Variants in PLRG1 observed in about 807,000 individuals in gnomAD.
The protein encoded by PLRG1 is pleiotropic regulator 1 (PRL1 homolog, Arabidopsis).
A neutral mutation model predicts 74.9 loss-of-function variants in PLRG1; 28 were observed. The ratio of observed to expected loss-of-function variants is 0.37; its 90% CI spans 0.28 to 0.51. The LOEUF is 0.51. Ranked by LOEUF, PLRG1 falls within the 20% of genes least tolerant of loss-of-function variation. The pLI is 0.91. For synonymous variants in PLRG1, 197 were observed against 212.4 expected (o/e 0.93, Z 0.63); for missense variants, 445 against 631.9 (o/e 0.70, Z 3.17).
At chr4:154,547,881 G>A (rs376284151) in intron 2 of PLRG1, 28 bp from the exon 3 acceptor site, 33 of 1,542,590 alleles carry the variant, frequency 2.1e-5, no homozygotes, top group East Asian at 4.6e-5. Flanking sequence ...ACATAAGAAC[G>A]TATCCATAAA....
intron 10 of PLRG1, 174 bp from the exon 11 acceptor site, chr4:154,540,227 G>A: frequency 1.7e-6 from 1 of 587,290 alleles, no homozygotes. Flanking sequence ...ATATAAATAG[G>A]AGACAACTTG....
At chr4:154,547,250 A>T (rs1207747627) in intron 3 of PLRG1, among the ~76,000 whole-genome samples, 186 bp from the exon 4 acceptor site, 1 of 152,174 alleles carries the variant, frequency 6.6e-6, no homozygotes, top group Non-Finnish European at 1.5e-5. Flanking sequence ...CATGTCCTTG[A>T]CCATTTGCTA....
chr4:154,546,051 G>T, intron 5 of PLRG1, 72 bp downstream of exon 5: 1 of 1,146,564 alleles, frequency 8.7e-7, no homozygotes, highest in South Asian at 1.4e-5. Flanking sequence ...TAGTTATAAA[G>T]AAATTTTAAA....
Position 154,536,800 on chromosome 4 carries a change from T to C in PLRG1, c.1486-56A>G, listed in dbSNP as rs546441484. 6.8e-6 allele frequency: 6 copies of C among 887,020 alleles called. No individual in the cohort carries two copies. The East Asian group carries it at 9.8e-5, about 14-fold the overall frequency. The allele number at this position is 887,020 out of a possible 1,614,324, so 54.9% of individuals were successfully genotyped here. A position where few individuals can be genotyped will look rare whatever the true frequency, so the allele number is the denominator to read the frequency against. Reference sequence around the variant, plus strand: ...TATTATTAGTTTGCTTCATGTCTAATAGGCTTCCTTTCTAACAAAAATAAG... The same window carrying C: ...TATTATTAGTTTGCTTCATGTCTAACAGGCTTCCTTTCTAACAAAAATAAG... On this transcript the variant is annotated intron_variant, in intron 14 of 14. Transcript: ENST00000499023.
At chr4:154,548,698 A>G (rs201141255) in intron 2 of PLRG1, 131 bp downstream of exon 2, 155 of 592,208 alleles carry the variant, frequency 2.6e-4, no homozygotes, top group East Asian at 1.7e-3. Context: ...AAATTATGCC[A>G]AAACACCACT....
intron 2 of PLRG1, among the ~76,000 whole-genome samples, chr4:154,548,400 C>T (rs945649276): frequency 6.6e-6 from 1 of 152,108 alleles, no homozygotes. Context: ...GAACACTGCA[C>T]ATAATGCATT....
chr4:154,539,057 C>A (rs1199039913), intron 12 of PLRG1, 48 bp downstream of exon 12: 1 of 1,099,018 alleles, frequency 9.1e-7, no homozygotes, highest in Non-Finnish European at 1.4e-6. Flanking sequence ...TCAGCATTAT[C>A]TTAAGAACTG....
chr4:154,537,680 C>T (rs1282791307), intron 13 of PLRG1: 1 of 503,468 alleles, frequency 2.0e-6, no homozygotes, highest in African/African-American at 2.0e-5. Flanking sequence ...TAAAAAGCAC[C>T]TGAAAATCTG....
intron 2 of PLRG1, 112 bp from the exon 3 acceptor site, chr4:154,547,965 AT>A (rs747330476): frequency 3.1e-4 from 228 of 734,406 alleles, no homozygotes; most frequent in Non-Finnish European, 4.3e-4. Context: ...TTTAAGTAGT[AT>A]TTAAAAGAAT....
chr4:154,547,120 C>A, intron 3 of PLRG1, 56 bp from the exon 4 acceptor site: 1 of 1,234,250 alleles, frequency 8.1e-7, no homozygotes, highest in African/African-American at 1.5e-5. Context: ...CAAAAGTTAT[C>A]ATCTCTTTAA....
intron 11 of PLRG1, among the ~76,000 whole-genome samples, chr4:154,539,440 A>G (rs968491338): frequency 3.3e-5 from 5 of 152,132 alleles, no homozygotes; most frequent in Non-Finnish European, 5.9e-5. Context: ...TGAACAGCTA[A>G]AACAAATGCA....
Position 154,542,268 on chromosome 4 carries a change from C to G in PLRG1, c.606G>C (p.Gly202=), listed in dbSNP as rs1350137694. ...CAATACATCGAACCCAGCCAAGATG[C>G]CCACTGATAACCTGTATAAAACAAA... ...PPWKLYRVIS[G]HLGWVRCIAV... is the part of the protein sequence containing the mutation. The change falls in exon 8 of 15, where the codon GGG becomes GGC. Residue 202 remains glycine (G), a synonymous_variant. Transcript: ENST00000499023. 4.3e-6 allele frequency: 7 copies of G among 1,609,466 alleles called. No homozygotes were observed. Among genetic ancestry groups the G allele is most frequent in the Non-Finnish European group, 6.0e-6 (7 of 1,175,982 alleles).
chr4:154,538,381 G>A (rs1410019635), intron 12 of PLRG1, among the ~76,000 whole-genome samples: 1 of 151,972 alleles, frequency 6.6e-6, no homozygotes, highest in Non-Finnish European at 1.5e-5. Flanking sequence ...AGCAATAAAT[G>A]TGCAGAAGCC....
At chr4:154,546,980 A>T in intron 4 of PLRG1, 31 bp downstream of exon 4, 1 of 1,474,830 alleles carries the variant, frequency 6.8e-7, no homozygotes. Context: ...GACATTTTTA[A>T]GACATTTTCA....
intron 1 of PLRG1, 82 bp downstream of exon 1, chr4:154,550,218 A>G: frequency 1.7e-6 from 2 of 1,210,372 alleles, no homozygotes; most frequent in South Asian, 2.4e-5. Flanking sequence ...CTGGACTCCA[A>G]GTACTCTCAA....
intron 1 of PLRG1, 83 bp from the exon 2 acceptor site, chr4:154,549,018 G>T: frequency 1.2e-6 from 1 of 818,730 alleles, no homozygotes. Flanking sequence ...TACACTTCAC[G>T]TGTTTAAATA....
chr4:154,547,926 A>G, intron 2 of PLRG1, 73 bp from the exon 3 acceptor site: 1 of 1,148,670 alleles, frequency 8.7e-7, no homozygotes, highest in Non-Finnish European at 1.2e-6. Context: ...AAGTTTGCCC[A>G]TTCACGTAGA....
chr4:154,546,748 C>A, intron 4 of PLRG1: 1 of 496,256 alleles, frequency 2.0e-6, no homozygotes, highest in Non-Finnish European at 3.6e-6. Context: ...CTGCCTAAAC[C>A]ACCAGATAAT....
At position 154,548,946 on chromosome 4, in the gene PLRG1, A is replaced by AG; in HGVS notation, c.10-12dup. On this transcript the variant is annotated splice_polypyrimidine_tract_variant and intron_variant, in intron 1 of 14. Coordinates refer to ENST00000499023, the MANE Select transcript of PLRG1 (RefSeq NM_002669.4). ...ATGTTTCTGTACCTCCTAAAAAAAA[A>AG]GAATGTAATTACACACCTATCTACA... 7.0e-7 allele frequency: 1 copy of AG among 1,425,884 alleles called. No individual in the cohort carries two copies. The highest frequency in any genetic ancestry group is 9.9e-7 in the Non-Finnish European group (1 of 1,008,922). The allele number at this position is 1,425,884 out of a possible 1,614,324, so 88.3% of individuals were successfully genotyped here.
Sources: allele counts gnomAD v4.1 joint callset (sites outside exome capture counted in the v4.1 genomes callset), GRCh38; gene constraint gnomAD v4.1.1; transcripts MANE v1.5; gene names NCBI Gene and HGNC (gene_info 2026-07-23, HGNC 2026-07-21).